RNF145: variants seen among roughly 807,000 people sequenced by gnomAD.
The protein encoded by RNF145 is ring finger protein 145.
RNF145 carries 12 observed loss-of-function variants against 57.3 expected under a neutral mutation model. The observed-to-expected ratio is 0.21, with a 90% CI of 0.13 to 0.34. RNF145 has a LOEUF of 0.34. RNF145 is among the 10% of genes least tolerant of loss of function. The pLI, the probability that RNF145 is intolerant of heterozygous loss-of-function variation, is 1.00. For missense variants in RNF145, 429 were observed against 799.0 expected, an observed-to-expected ratio of 0.54 and a Z score of 5.58; for synonymous variants, 262 against 288.3, an observed-to-expected ratio of 0.91 and a Z score of 0.92.
rs760154904 is a variant in RNF145, at chr5:159,194,735, C to A, written c.274G>T (p.Ala92Ser). The A allele has an allele frequency of 2.1e-5, 33 of 1,609,720 alleles. No individual in the cohort carries two copies. The Admixed American group carries it at 5.5e-4, about 27-fold the overall frequency. ...LYFLTALLLY[A>S]GHQISRDYVR... ...TCTTACCTGGAAATTTGATGTCCAG[C>A]ATAGAGGAGCAGAGCAGTCAAAAAA... Residue 92 changes from alanine to serine, a missense_variant, in exon 3 of 11, where the codon GCT (alanine) becomes TCT (serine). Ala to Ser is a moderately conservative substitution (Grantham distance 99, BLOSUM62 1). Transcript: ENST00000424310.
chr5:159,203,889 G>A (rs1185710008), intron 1 of RNF145, among the ~76,000 whole-genome samples: 1 of 151,960 alleles, frequency 6.6e-6, no homozygotes, highest in African/African-American at 2.4e-5. Context: ...TAAATGTTCT[G>A]GCCTCAAAAC....
chr5:159,184,628 C>A lies in RNF145; in HGVS notation c.294-2577G>T, dbSNP rs150110038. ...ATATTTAAAAACTACATCTTTTATT[C>A]TCTATTTCTAGGTTCTAACTTTTTC... On this transcript the variant is annotated intron_variant, in intron 3 of 10. Transcript: ENST00000424310. Among the ~76,000 whole-genome samples, 528 of 152,230 alleles carry A rather than the reference C, an allele frequency of 3.5e-3. 2 individuals are homozygous for A. The highest frequency in any genetic ancestry group is 5.9e-3 in the Non-Finnish European group (401 of 68,008).
rs1012848743 is a variant in RNF145, at chr5:159,195,383, C to T, written c.185-559G>A. Among the ~76,000 whole-genome samples, 12 of 152,236 alleles carry T rather than the reference C, an allele frequency of 7.9e-5. No individual in the cohort carries two copies. In the East Asian group the frequency reaches 2.3e-3, roughly 29 times the overall value. On this transcript the variant is annotated intron_variant, in intron 2 of 10. Coordinates refer to ENST00000424310, the MANE Select transcript of RNF145 (RefSeq NM_001199383.2). ...GCGATTTTTTTCCTATTATTTTTCT[C>T]ATTCCACTGTCAAATGTTTGAAAAG...
At chr5:159,169,573 C>G in intron 7 of RNF145, 106 bp downstream of exon 7, 3 of 946,040 alleles carry the variant, frequency 3.2e-6, no homozygotes, top group Non-Finnish European at 4.6e-6. Flanking sequence ...AAAAACCTCT[C>G]CAATTCCATT....
At chr5:159,182,145 C>T in intron 3 of RNF145, 94 bp from the exon 4 acceptor site, 1 of 647,244 alleles carries the variant, frequency 1.5e-6, no homozygotes. Flanking sequence ...AATGATACCC[C>T]TTTCCATATC....
rs188226393 is a variant in RNF145, at chr5:159,204,485, T to C, written c.-39-829A>G. ...GCCATACTGCTTTATATGGTAGAAC[T>C]TCAAATTAATCCAAAAAAATATAAA... On this transcript the variant is annotated intron_variant, in intron 1 of 10. Coordinates refer to ENST00000424310, the MANE Select transcript of RNF145 (RefSeq NM_001199383.2). 3.8e-3 allele frequency among the ~76,000 whole-genome samples: 580 copies of C among 152,050 alleles called. 6 individuals are homozygous for C. The highest frequency in any genetic ancestry group is 0.013 in the African/African-American group (547 of 41,472).
intron 2 of RNF145, among the ~76,000 whole-genome samples, chr5:159,203,054 C>T (rs1219712314): frequency 6.6e-6 from 1 of 151,936 alleles, no homozygotes; most frequent in Admixed American, 6.6e-5. Flanking sequence ...TCTCAGGGAA[C>T]AATAAAGAAT....
At position 159,158,553 on chromosome 5, in the gene RNF145, G is replaced by T. The variant is rs1479015162; in HGVS notation, c.*117C>A. ...AGAGTACTTCCTGGATTAGATCCTTGGAATGTCAGTTTCCTGCCTGATCAT... is the reference window on the plus strand; with the variant it reads ...AGAGTACTTCCTGGATTAGATCCTTTGAATGTCAGTTTCCTGCCTGATCAT... On this transcript the variant is annotated 3_prime_UTR_variant, in exon 11 of 11. Transcript: ENST00000424310. 34 of 1,294,008 alleles carry T rather than the reference G, an allele frequency of 2.6e-5. 1 individual carries two copies. The Middle Eastern group carries it at 1.3e-3, about 48-fold the overall frequency. 80.2% of individuals were successfully genotyped at this position (1,294,008 alleles called of 1,614,324 possible). A position where few individuals can be genotyped will look rare whatever the true frequency, so the allele number is the denominator to read the frequency against.
At chr5:159,189,942 G>C (rs955883729) in intron 3 of RNF145, among the ~76,000 whole-genome samples, 2 of 152,212 alleles carry the variant, frequency 1.3e-5, no homozygotes, top group Non-Finnish European at 2.9e-5. Context: ...GATTGCTAAT[G>C]GGTATGAAGT....
At chr5:159,201,641 C>G (rs1382763321) in intron 2 of RNF145, among the ~76,000 whole-genome samples, 1 of 152,072 alleles carries the variant, frequency 6.6e-6, no homozygotes, top group Non-Finnish European at 1.5e-5. Flanking sequence ...AGTTATGGCT[C>G]CACATACATC....
At chr5:159,163,146 AGCT>A in intron 8 of RNF145, 67 bp from the exon 9 acceptor site, 1 of 1,391,636 alleles carries the variant, frequency 7.2e-7, no homozygotes, top group Non-Finnish European at 9.8e-7. Context: ...TCACATCAGC[AGCT>A]AACATCTCTG....
At position 159,157,838 on chromosome 5, in the gene RNF145, G is replaced by A. The variant is rs2113057261; in HGVS notation, c.*832C>T. ...CACAGGATTGAAAAGTACACCCAGG[G>A]CCTCTATCAGTGCCCTAAAGCCCTT... On this transcript the variant is annotated 3_prime_UTR_variant, in exon 11 of 11. Transcript: ENST00000424310. 1 of 152,840 alleles carries A rather than the reference G, an allele frequency of 6.5e-6. No homozygotes were observed. Among genetic ancestry groups the A allele is most frequent in the South Asian group, 2.1e-4 (1 of 4,816 alleles). 9.5% of individuals were successfully genotyped at this position (152,840 alleles called of 1,614,324 possible). A position where few individuals can be genotyped will look rare whatever the true frequency, so the allele number is the denominator to read the frequency against.
At chr5:159,179,633 T>C (rs1784822093) in intron 4 of RNF145, among the ~76,000 whole-genome samples, 1 of 152,162 alleles carries the variant, frequency 6.6e-6, no homozygotes, top group Non-Finnish European at 1.5e-5. Flanking sequence ...TTCATATTTA[T>C]AATACAAGTA....
intron 8 of RNF145, among the ~76,000 whole-genome samples, 168 bp downstream of exon 8, chr5:159,168,705 C>T (rs1399663240): frequency 6.6e-6 from 1 of 152,068 alleles, no homozygotes; most frequent in African/African-American, 2.4e-5. Flanking sequence ...GTAAGTCAGA[C>T]ATCTCATATA....
intron 3 of RNF145, among the ~76,000 whole-genome samples, chr5:159,182,655 T>A (rs560101925): frequency 6.6e-6 from 1 of 152,282 alleles, no homozygotes; most frequent in South Asian, 2.1e-4. Context: ...AATATTCCTT[T>A]TAAAATTTAA....
chr5:159,209,037 G>A (rs1222070363), intron 1 of RNF145, among the ~76,000 whole-genome samples, 194 bp downstream of exon 1: 6 of 151,962 alleles, frequency 3.9e-5, no homozygotes, highest in Admixed American at 3.9e-4. Context: ...GGGAGGGAGG[G>A]GTGCTGCGGC....
intron 8 of RNF145, among the ~76,000 whole-genome samples, chr5:159,164,794 G>T (rs1349046627): frequency 6.6e-6 from 1 of 152,070 alleles, no homozygotes; most frequent in Non-Finnish European, 1.5e-5. Context: ...GTTAAAAACT[G>T]CAATAAAATT....
intron 4 of RNF145, among the ~76,000 whole-genome samples, chr5:159,180,517 T>C (rs1784856556): frequency 6.6e-6 from 1 of 152,088 alleles, no homozygotes; most frequent in Non-Finnish European, 1.5e-5. Context: ...CTATAAGGCA[T>C]TTTCATTCCA....
At position 159,193,040 on chromosome 5, in the gene RNF145, G is replaced by A. The variant is rs921279304; in HGVS notation, c.293+1676C>T. 2.6e-5 allele frequency among the ~76,000 whole-genome samples: 4 copies of A among 152,316 alleles called. No individual in the cohort carries two copies. In the East Asian group the frequency reaches 7.7e-4, roughly 29 times the overall value. On this transcript the variant is annotated intron_variant, in intron 3 of 10. Transcript: ENST00000424310. ...AGAGGTGTGGGGGCTGGTGGTACTA[G>A]GATGAGAAACGCATCATGTCTGTAT...
Sources: allele counts gnomAD v4.1 joint callset (sites outside exome capture counted in the v4.1 genomes callset), GRCh38; gene constraint gnomAD v4.1.1; transcripts MANE v1.5; gene names NCBI Gene and HGNC (gene_info 2026-07-23, HGNC 2026-07-21).